TLN1: variants seen among roughly 807,000 people sequenced by gnomAD.
TLN1 encodes the protein talin 1.
In TLN1, 56 loss-of-function variants were observed where a neutral mutation model predicts 292.3. That is an observed-to-expected ratio of 0.19 (90% CI 0.15 to 0.24). The LOEUF (loss-of-function observed/expected upper bound fraction) is 0.24. Ranked by LOEUF, TLN1 falls within the 10% of genes least tolerant of loss-of-function variation. TLN1 has a pLI of 1.00. For synonymous variants in TLN1, 1,119 were observed against 1,253.7 expected (o/e 0.89, Z 2.27); for missense variants, 2,433 against 3,248.2 (o/e 0.75, Z 6.10).
chr9:35,723,295 G>A (rs556245160), intron 7 of TLN1: 1 of 222,402 alleles, frequency 4.5e-6, no homozygotes, highest in South Asian at 5.7e-5. Context: ...GAGATACATG[G>A]TTTCTCCACG....
chr9:35,700,022 G>C lies in TLN1; in HGVS notation c.6720C>G (p.Gly2240=). Residue 2240 remains glycine, a synonymous_variant, in exon 50 of 57, where the codon GGC becomes GGG. Coordinates refer to ENST00000314888, the MANE Select transcript of TLN1 (RefSeq NM_006289.4). ...CCAGGTAGCCATTGGCACACTCCCG[G>C]CCATAGTGCAGGGCTCGAAGCCGCA... ...PDVRLRALHY[G]RECANGYLEL... The C allele has an allele frequency of 6.2e-7, 1 of 1,613,622 alleles. No homozygotes were observed. Among genetic ancestry groups the C allele is most frequent in the Non-Finnish European group, 8.5e-7 (1 of 1,179,704 alleles).
At position 35,704,171 on chromosome 9, in the gene TLN1, C is replaced by T. The variant is rs775593260; in HGVS notation, c.6051G>A (p.Glu2017=). ...EGTETFADHR[E]GILKTAKVLV... Reference sequence around the variant, plus strand: ...GCACCTTCGCAGTCTTCAGGATGCCCTCCCTGAGGGAGGGCCCAGCTTAGT... The same window carrying T: ...GCACCTTCGCAGTCTTCAGGATGCCTTCCCTGAGGGAGGGCCCAGCTTAGT... Residue 2017 remains glutamate (E), a synonymous_variant, in exon 46 of 57, where the codon GAG becomes GAA. Transcript: ENST00000314888. This position sits in a 1 kb window ranked among gnomAD's most constrained non-coding sequence, Gnocchi z 6.9. 1 of 1,590,982 alleles carries T rather than the reference C, an allele frequency of 6.3e-7. No individual in the cohort carries two copies. Among genetic ancestry groups the T allele is most frequent in the South Asian group, 1.1e-5 (1 of 88,072 alleles).
intron 10 of TLN1, among the ~76,000 whole-genome samples, 166 bp downstream of exon 10, chr9:35,721,482 A>T (rs1825877898): frequency 6.6e-6 from 1 of 152,174 alleles, no homozygotes; most frequent in South Asian, 2.1e-4. Flanking sequence ...CATCCGTTTC[A>T]TTTAAGCCTC....
chr9:35,707,491 A>G lies in TLN1; in HGVS notation c.4633-3T>C. ...TCTGTGAAGGCCCCATCTAGCGCCT[A>G]GAAGTGACAGAGAGGCTCTCAGGAC... On this transcript the variant is annotated splice_region_variant and splice_polypyrimidine_tract_variant and intron_variant, in intron 35 of 56. Coordinates refer to ENST00000314888, the MANE Select transcript of TLN1 (RefSeq NM_006289.4). This position sits in a 1 kb window ranked among gnomAD's most constrained non-coding sequence, Gnocchi z 5.6. 6.2e-7 allele frequency: 1 copy of G among 1,613,748 alleles called. No individual in the cohort carries two copies. Among genetic ancestry groups the G allele is most frequent in the Non-Finnish European group, 8.5e-7 (1 of 1,179,742 alleles).
chr9:35,713,813 A>G, intron 25 of TLN1, 140 bp downstream of exon 25: 1 of 878,510 alleles, frequency 1.1e-6, no homozygotes, highest in Non-Finnish European at 1.6e-6. Context: ...AAAAGGAAGG[A>G]AGAAGAAAGA....
chr9:35,719,043 T>A lies in TLN1; in HGVS notation c.1896+31A>T, dbSNP rs1825836685. On this transcript the variant is annotated intron_variant, in intron 16 of 56. Transcript: ENST00000314888. The surrounding 1 kb of genome is among the most constrained non-coding windows in gnomAD (Gnocchi z 4.6). ...CTTCTCCTTGGGCTTGAACCCTGTC[T>A]CCACCCTAACCCAAACCTGTGGCCC... 6.2e-7 allele frequency: 1 copy of A among 1,602,898 alleles called. No homozygotes were observed. Among genetic ancestry groups the A allele is most frequent in the African/African-American group, 1.3e-5 (1 of 74,694 alleles).
Position 35,697,798 on chromosome 9 carries a change from T to G in TLN1, c.7619A>C (p.Glu2540Ala). 1.2e-6 allele frequency: 2 copies of G among 1,614,052 alleles called. No individual in the cohort carries two copies. Among genetic ancestry groups the G allele is most frequent in the Non-Finnish European group, 1.7e-6 (2 of 1,180,010 alleles). Residue 2540 changes from glutamate (E) to alanine (A), a missense_variant, in exon 57 of 57, where the codon GAG (glutamate) becomes GCG (alanine). This residue lies in a region of TLN1 where 141 missense variants were observed against 248.5 expected (regional missense o/e 0.57). Transcript: ENST00000314888. ...YKFLPSELRD[E>A]H The stretch of plus-strand genomic sequence containing the variant: ...TAAATAGAAGAGGCTTCTTTAGTGC[T>G]CATCTCGAAGCTCTGAAGGCAGAAA...
Position 35,704,800 on chromosome 9 carries a change from T to G in TLN1, c.5749A>C (p.Lys1917Gln), listed in dbSNP as rs1372768361. 2 of 1,614,006 alleles carry G rather than the reference T, an allele frequency of 1.2e-6. No homozygotes were observed. Among genetic ancestry groups the G allele is most frequent in the Non-Finnish European group, 1.7e-6 (2 of 1,179,894 alleles). The change falls in exon 44 of 57, where the codon AAA becomes CAA. Residue 1917 changes from lysine to glutamine, a missense_variant. Transcript: ENST00000314888. The surrounding 1 kb of genome is among the most constrained non-coding windows in gnomAD (Gnocchi z 6.9). ...AENEEIGSHIKHRVQELGHGC... is the reference protein window; with the variant it reads ...AENEEIGSHIQHRVQELGHGC... ...TGGCCCAGCTCCTGTACCCGGTGTT[T>G]GATATGGGAACCTATCTGTGAGCCA...
intron 29 of TLN1, 26 bp downstream of exon 29, chr9:35,711,569 C>G (rs370471959): frequency 3.8e-5 from 61 of 1,613,142 alleles, no homozygotes; most frequent in Non-Finnish European, 4.8e-5. Flanking sequence ...GGGAACCATT[C>G]AACCAGACCC....
At chr9:35,729,759 G>T (rs555863824) in intron 1 of TLN1, among the ~76,000 whole-genome samples, 2 of 152,294 alleles carry the variant, frequency 1.3e-5, no homozygotes, top group Non-Finnish European at 2.9e-5. Flanking sequence ...CCACTTTAGC[G>T]GCTGGGGCAG....
In TLN1 at chr9:35,711,257, G is replaced by A. The variant is rs773523690; in HGVS notation, c.4017C>T (p.Ala1339=). 1.1e-5 allele frequency: 17 copies of A among 1,613,934 alleles called. No individual in the cohort carries two copies. Among genetic ancestry groups the A allele is most frequent in the Non-Finnish European group, 1.2e-5 (14 of 1,180,040 alleles). ...PNLKSQLAAA[A]RAVTDSINQL... is the part of the protein sequence containing the mutation. ...TGGGCTTCTCAGCAACTACTTACCT[G>A]GCAGCTGCAGCCAGCTGACTCTTGA... Residue 1339 remains alanine, a splice_region_variant and synonymous_variant, in exon 30 of 57, where the codon GCC becomes GCT. Transcript: ENST00000314888.
rs1468618064 is a variant in TLN1, at chr9:35,704,503, G to T, written c.5881-5C>A. 1 of 1,603,824 alleles carries T rather than the reference G, an allele frequency of 6.2e-7. No homozygotes were observed. Among genetic ancestry groups the T allele is most frequent in the South Asian group, 1.1e-5 (1 of 89,814 alleles). On this transcript the variant is annotated splice_polypyrimidine_tract_variant and splice_region_variant and intron_variant, in intron 44 of 56. Transcript: ENST00000314888. The surrounding 1 kb of genome is among the most constrained non-coding windows in gnomAD (Gnocchi z 6.9). The stretch of plus-strand genomic sequence containing the variant: ...CGCAGCCAGGACGTGGGAGACCTGG[G>T]TAGGGAATGTCACATGGTGACTGTG...
intron 12 of TLN1, 95 bp downstream of exon 12, chr9:35,720,338 C>T: frequency 4.5e-6 from 7 of 1,544,742 alleles, no homozygotes; most frequent in Non-Finnish European, 6.2e-6. Context: ...AGTTAAAGAA[C>T]CATTCTAAGG....
chr9:35,701,244 G>A (rs1825462451), intron 48 of TLN1, among the ~76,000 whole-genome samples: 1 of 152,198 alleles, frequency 6.6e-6, no homozygotes, highest in African/African-American at 2.4e-5. Context: ...GGAGAAGCAA[G>A]CAGAGCCATC....
intron 19 of TLN1, 118 bp from the exon 20 acceptor site, chr9:35,716,674 A>T (rs539980734): frequency 9.1e-7 from 1 of 1,094,270 alleles, no homozygotes; most frequent in East Asian, 2.6e-5. Context: ...GGGACAGAAA[A>T]AGAGACTGGC....
chr9:35,730,094 G>A (rs1826047027), intron 1 of TLN1, among the ~76,000 whole-genome samples: 1 of 151,600 alleles, frequency 6.6e-6, no homozygotes, highest in Admixed American at 6.6e-5. Context: ...TGATTACATG[G>A]ATGGTGGCTA....
intron 48 of TLN1, 150 bp from the exon 49 acceptor site, chr9:35,700,526 G>T: frequency 1.2e-6 from 1 of 845,314 alleles, no homozygotes; most frequent in Non-Finnish European, 1.7e-6. Context: ...TGAAGCAACT[G>T]GGGAGTTTGT....
At position 35,723,939 on chromosome 9, in the gene TLN1, G is replaced by A. The variant is rs997142343; in HGVS notation, c.782+13C>T. 4 of 1,614,070 alleles carry A rather than the reference G, an allele frequency of 2.5e-6. No homozygotes were observed. The Admixed American group carries it at 6.7e-5, about 27-fold the overall frequency. ...CCTGGGCCCTGACAGGGTATAGGAT[G>A]TGGGTCACTCACTCAAGGAAGCCAG... On this transcript the variant is annotated intron_variant, in intron 7 of 56. Transcript: ENST00000314888.
At chr9:35,705,361 C>G (rs73438731) in intron 43 of TLN1, among the ~76,000 whole-genome samples, 190 bp downstream of exon 43, 2,607 of 152,276 alleles carry the variant, frequency 0.017, 64 homozygotes, top group African/African-American at 0.06. Flanking sequence ...TGAGCTGTTT[C>G]CTTTGTACCT....
Sources: gnomAD v4.1 joint callset for allele counts (sites outside exome capture counted in the v4.1 genomes callset) on GRCh38, gnomAD v4.1.1 for gene constraint, gnomAD v4.1.1 regional missense constraint, Gnocchi (gnomAD v3.1) non-coding constraint, MANE v1.5 for transcripts, NCBI Gene and HGNC (gene_info 2026-07-23, HGNC 2026-07-21) for gene names.